Variants in MRAP2 observed in about 807,000 individuals in gnomAD.
The protein encoded by MRAP2 is melanocortin 2 receptor accessory protein 2, also known as melanocortin-2 receptor accessory protein 2.
Under a neutral mutation model 17.4 loss-of-function variants are expected in MRAP2, and 20 were observed. The ratio of observed to expected loss-of-function variants is 1.15; its 90% CI spans 0.81 to 1.67. The LOEUF is 1.67. MRAP2 is among the 40% of genes most tolerant of loss of function. The pLI is 0.00. For synonymous variants in MRAP2, 96 were observed against 88.4 expected, an observed-to-expected ratio of 1.09 and a Z score of -0.48; for missense variants, 238 against 240.0, an observed-to-expected ratio of 0.99 and a Z score of 0.05.
chr6:84,137,019 C>A, the MRAP2 span, among the ~76,000 whole-genome samples: 1 of 152,150 alleles, frequency 6.6e-6, no homozygotes, highest in East Asian at 1.9e-4. Flanking sequence ...GTTGTGGGAG[C>A]CACCGTGCAA....
chr6:84,050,941 A>G (rs928968664), intron 1 of MRAP2, among the ~76,000 whole-genome samples: 1 of 152,174 alleles, frequency 6.6e-6, no homozygotes. Context: ...ATGCCTTAGT[A>G]GCTGTGCTGT....
chr6:84,099,475 G>A, the MRAP2 span, among the ~76,000 whole-genome samples: 2 of 152,076 alleles, frequency 1.3e-5, no homozygotes, highest in Non-Finnish European at 2.9e-5. Context: ...TGTAACCTCC[G>A]ATGTTGGAGT....
the MRAP2 span, among the ~76,000 whole-genome samples, chr6:84,114,524 C>T: frequency 1.3e-5 from 2 of 152,068 alleles, no homozygotes; most frequent in African/African-American, 2.4e-5. Flanking sequence ...TTAGAACATG[C>T]TCCTTTAGCT....
intron 1 of MRAP2, among the ~76,000 whole-genome samples, chr6:84,039,309 C>A (rs1005190601): frequency 6.6e-6 from 1 of 152,162 alleles, no homozygotes; most frequent in East Asian, 1.9e-4. Context: ...AAAATTATTT[C>A]TTTAAGGGAA....
chr6:84,141,572 ACTC>A, the MRAP2 span, among the ~76,000 whole-genome samples: 2 of 151,848 alleles, frequency 1.3e-5, no homozygotes, highest in African/African-American at 4.8e-5. Flanking sequence ...TAATCCTAAA[ACTC>A]CTCCAACTTC....
intron 2 of MRAP2, chr6:84,061,825 G>C: frequency 1.0e-6 from 1 of 985,444 alleles, no homozygotes; most frequent in South Asian, 4.7e-5. Context: ...TGTTTTCTCA[G>C]ATGTCAGACA....
the MRAP2 span, among the ~76,000 whole-genome samples, chr6:84,103,282 A>T: frequency 6.6e-6 from 1 of 152,138 alleles, no homozygotes; most frequent in African/African-American, 2.4e-5. Context: ...TGGTAGATAA[A>T]ATCTGTGGGG....
chr6:84,132,488 C>T, the MRAP2 span, among the ~76,000 whole-genome samples: 3 of 152,196 alleles, frequency 2.0e-5, no homozygotes, highest in Non-Finnish European at 4.4e-5. Context: ...ACCAATCAGA[C>T]ATAGATTTGG....
chr6:84,101,329 T>C, the MRAP2 span, among the ~76,000 whole-genome samples: 1 of 152,210 alleles, frequency 6.6e-6, no homozygotes, highest in African/African-American at 2.4e-5. Flanking sequence ...TGGGAATACG[T>C]GTAGCCTGCT....
At chr6:84,128,588 T>C in the MRAP2 span, among the ~76,000 whole-genome samples, 1 of 152,132 alleles carries the variant, frequency 6.6e-6, no homozygotes, top group Admixed American at 6.6e-5. Context: ...CATCAATATC[T>C]TCATCTAAAA....
At position 84,089,241 on chromosome 6, in the gene MRAP2, G is replaced by C; in HGVS notation, c.378G>C (p.Leu126Phe). The C allele has an allele frequency of 1.2e-6, 2 of 1,614,140 alleles. No individual in the cohort carries two copies. The highest frequency in any genetic ancestry group is 1.7e-6 in the Non-Finnish European group (2 of 1,180,024). ...GCTACATCAATGAGGTGGAACGCTT[G>C]GACAGAGCCAAAGCTTGTCACCAGA... ...FHCYINEVER[L>F]DRAKACHQTT... The change falls in exon 4 of 4, where the codon TTG (leucine) becomes TTC (phenylalanine). Residue 126 changes from leucine (L) to phenylalanine (F), a missense_variant. Physicochemically the swap from Leu to Phe is conservative, Grantham distance 22 (BLOSUM62 0). Transcript: ENST00000257776.
chr6:84,044,716 T>A (rs1376616531), intron 1 of MRAP2, among the ~76,000 whole-genome samples: 4 of 152,332 alleles, frequency 2.6e-5, no homozygotes, highest in African/African-American at 4.8e-5. Flanking sequence ...TAATTACCCC[T>A]TTAAAGGCCC....
chr6:84,117,495 C>CTTT, the MRAP2 span, among the ~76,000 whole-genome samples: 3 of 146,442 alleles, frequency 2.0e-5, no homozygotes, highest in African/African-American at 7.5e-5. Flanking sequence ...TGGTCCTGGG[C>CTTT]TTTTTTTTTT....
At chr6:84,142,481 A>G in the MRAP2 span, among the ~76,000 whole-genome samples, 1 of 152,168 alleles carries the variant, frequency 6.6e-6, no homozygotes, top group East Asian at 1.9e-4. Context: ...ATAAAAGAGC[A>G]CTATTTAATT....
chr6:84,099,466 G>C, the MRAP2 span, among the ~76,000 whole-genome samples: 1 of 152,112 alleles, frequency 6.6e-6, no homozygotes. Flanking sequence ...ATGTTTAAAT[G>C]TAACCTCCGA....
the MRAP2 span, among the ~76,000 whole-genome samples, chr6:84,099,714 A>T: frequency 6.6e-6 from 1 of 152,190 alleles, no homozygotes; most frequent in Non-Finnish European, 1.5e-5. Flanking sequence ...AGCTGAGCAG[A>T]TGCTGGTGCC....
chr6:84,034,248 T>G (rs1322033457), intron 1 of MRAP2, among the ~76,000 whole-genome samples: 1 of 152,016 alleles, frequency 6.6e-6, no homozygotes, highest in Non-Finnish European at 1.5e-5. Context: ...AAAACTTTCC[T>G]TGCTGCGGCC....
chr6:84,082,510 T>A (rs1446035845), intron 3 of MRAP2, among the ~76,000 whole-genome samples: 1 of 152,184 alleles, frequency 6.6e-6, no homozygotes, highest in Non-Finnish European at 1.5e-5. Flanking sequence ...GAACAAAAAT[T>A]TACTACACAG....
chr6:84,091,047 C>A (rs981061099), downstream of MRAP2, among the ~76,000 whole-genome samples: 11 of 151,912 alleles, frequency 7.2e-5, no homozygotes, highest in Non-Finnish European at 1.2e-4. Flanking sequence ...GGGATTATTT[C>A]GCTAAAAGAA....
Sources: gnomAD v4.1 joint callset for allele counts (sites outside exome capture counted in the v4.1 genomes callset) on GRCh38, gnomAD v4.1.1 for gene constraint, MANE v1.5 for transcripts, NCBI Gene and HGNC (gene_info 2026-07-23, HGNC 2026-07-21) for gene names.